RANBP17: variants seen among roughly 807,000 people sequenced by gnomAD.
The protein encoded by RANBP17 is ran-binding protein 17.
RANBP17 carries 158 observed loss-of-function variants against 141.2 expected under a neutral mutation model. That is an observed-to-expected ratio of 1.12 (90% CI 0.98 to 1.28). The LOEUF is 1.28. RANBP17 is among the 50% of genes most tolerant of loss of function. The pLI is 0.00. For missense variants in RANBP17, 1,438 were observed against 1,290.7 expected, an observed-to-expected ratio of 1.11 and a Z score of -1.75; for synonymous variants, 430 against 450.0, an observed-to-expected ratio of 0.96 and a Z score of 0.56.
At chr5:171,168,116 C>T (rs928983723) in intron 14 of RANBP17, among the ~76,000 whole-genome samples, 1 of 152,076 alleles carries the variant, frequency 6.6e-6, no homozygotes, top group African/African-American at 2.4e-5. Flanking sequence ...ATAGTGTCAC[C>T]CCTCAAGAAG....
Position 170,878,482 on chromosome 5 carries a change from ACTATTGGTCTCTTTTTATG to A in RANBP17, c.165+240_165+258del, listed in dbSNP as rs201393541. On this transcript the variant is annotated intron_variant, in intron 2 of 27. Coordinates refer to ENST00000523189, the MANE Select transcript of RANBP17 (RefSeq NM_022897.5). ...AATGAATTGAGATAGTTTCTTGATT[ACTATTGGTCTCTTTTTATG>A]TCTCATATTAGTGGGCAAATTTACA... Among the ~76,000 whole-genome samples, 36 of 152,284 alleles carry A rather than the reference ACTATTGGTCTCTTTTTATG, an allele frequency of 2.4e-4. 1 individual carries two copies. In the East Asian group the frequency reaches 6.7e-3, roughly 29 times the overall value.
intron 14 of RANBP17, among the ~76,000 whole-genome samples, chr5:171,014,765 G>A (rs1321890891): frequency 1.3e-5 from 2 of 151,782 alleles, no homozygotes; most frequent in African/African-American, 2.4e-5. Flanking sequence ...CATTCCTTTT[G>A]TGCAGATCCA....
intron 14 of RANBP17, among the ~76,000 whole-genome samples, chr5:171,090,348 A>G (rs1786152628): frequency 6.6e-6 from 1 of 152,200 alleles, no homozygotes; most frequent in Non-Finnish European, 1.5e-5. Context: ...TGGAATTTGA[A>G]TTCGAGAGAG....
chr5:171,044,552 A>G (rs1782447702), intron 14 of RANBP17, among the ~76,000 whole-genome samples: 1 of 151,986 alleles, frequency 6.6e-6, no homozygotes, highest in Non-Finnish European at 1.5e-5. Flanking sequence ...TTTGCTCACA[A>G]AGGTAAAGAG....
intron 14 of RANBP17, among the ~76,000 whole-genome samples, chr5:170,990,983 T>C (rs953764364): frequency 6.6e-6 from 1 of 151,906 alleles, no homozygotes; most frequent in African/African-American, 2.4e-5. Context: ...ATACAGAAAA[T>C]ACTAATTATG....
chr5:171,051,467 T>C (rs931505942), intron 14 of RANBP17, among the ~76,000 whole-genome samples: 2 of 152,180 alleles, frequency 1.3e-5, no homozygotes, highest in Non-Finnish European at 2.9e-5. Context: ...CTGTATATTT[T>C]ATATTAAATA....
At chr5:171,253,829 T>C (rs1324658047) in intron 24 of RANBP17, among the ~76,000 whole-genome samples, 1 of 152,188 alleles carries the variant, frequency 6.6e-6, no homozygotes, top group African/African-American at 2.4e-5. Flanking sequence ...AAAACTGCAA[T>C]GAGAGGAGGT....
At chr5:171,203,604 A>C (rs1266175621) in intron 19 of RANBP17, among the ~76,000 whole-genome samples, 44 of 152,178 alleles carry the variant, frequency 2.9e-4, no homozygotes, top group Admixed American at 2.9e-3. Flanking sequence ...CACTTTAAAA[A>C]AAAAGCCAAT....
chr5:171,130,431 C>CT (rs72051535), intron 14 of RANBP17, among the ~76,000 whole-genome samples: 8,561 of 88,972 alleles, frequency 0.096, 1,037 homozygotes, highest in Non-Finnish European at 0.11. Context: ...TTTAAAAAGA[C>CT]TTTTTTTTTT....
intron 14 of RANBP17, among the ~76,000 whole-genome samples, chr5:171,041,810 C>T (rs888113673): frequency 2.6e-5 from 4 of 151,962 alleles, no homozygotes; most frequent in African/African-American, 7.3e-5. Context: ...TAAATGTGTG[C>T]GATGGTGGTT....
chr5:170,980,411 T>A (rs1777679676), intron 14 of RANBP17, among the ~76,000 whole-genome samples: 1 of 152,318 alleles, frequency 6.6e-6, no homozygotes, highest in South Asian at 2.1e-4. Context: ...CAGAGACCTT[T>A]GTGGGAGCCC....
At chr5:171,127,915 CT>C (rs1413328915) in intron 14 of RANBP17, among the ~76,000 whole-genome samples, 1 of 152,192 alleles carries the variant, frequency 6.6e-6, no homozygotes, top group African/African-American at 2.4e-5. Flanking sequence ...AATCCCAGCA[CT>C]TTGGGAGGCC....
At chr5:171,214,907 G>A (rs904509283) in intron 21 of RANBP17, among the ~76,000 whole-genome samples, 3 of 151,718 alleles carry the variant, frequency 2.0e-5, no homozygotes, top group Non-Finnish European at 2.9e-5. Context: ...TTAAATTTAA[G>A]TTCTGGGATA....
In RANBP17 at chr5:171,183,359, A is replaced by G. The variant is rs1429924810; in HGVS notation, c.1967A>G (p.His656Arg). Reference protein sequence around the residue: ...HFPFLGISDNHSLSDFRCRTT... With the variant: ...HFPFLGISDNRSLSDFRCRTT... ...CCTTTTCTTGGCATCAGTGACAATC[A>G]TAGTCTCAGCGACTTCAGGTGTCGA... is the stretch of plus-strand genomic sequence containing the variant. The change falls in exon 18 of 28, where the codon CAT becomes CGT. Residue 656 changes from histidine (H) to arginine (R), a missense_variant. His to Arg is a conservative substitution (Grantham distance 29). Transcript: ENST00000523189. 1.2e-6 allele frequency: 2 copies of G among 1,613,944 alleles called. No homozygotes were observed. The highest frequency in any genetic ancestry group is 2.2e-5 in the East Asian group (1 of 44,866).
chr5:170,969,578 T>C (rs1320175742), intron 14 of RANBP17, among the ~76,000 whole-genome samples: 1 of 151,998 alleles, frequency 6.6e-6, no homozygotes, highest in African/African-American at 2.4e-5. Context: ...TCTCAAAATA[T>C]TGCTAATACA....
At chr5:171,235,322 CTTT>C (rs554291422) in intron 22 of RANBP17, among the ~76,000 whole-genome samples, 8 of 132,412 alleles carry the variant, frequency 6.0e-5, no homozygotes, top group Admixed American at 1.5e-4. Flanking sequence ...TTGCATGTGT[CTTT>C]TTTTTTTTTT....
chr5:170,991,720 G>A (rs1778522565), intron 14 of RANBP17, among the ~76,000 whole-genome samples: 1 of 151,916 alleles, frequency 6.6e-6, no homozygotes, highest in Non-Finnish European at 1.5e-5. Flanking sequence ...AGAAATTTGG[G>A]ATGATTAAGT....
intron 14 of RANBP17, among the ~76,000 whole-genome samples, chr5:171,115,524 G>A (rs1334576271): frequency 6.6e-6 from 1 of 152,182 alleles, no homozygotes; most frequent in African/African-American, 2.4e-5. Flanking sequence ...TGTGAAACAT[G>A]TAGGTATAGA....
chr5:170,895,408 G>T (rs1176157954), intron 4 of RANBP17, among the ~76,000 whole-genome samples: 1 of 152,020 alleles, frequency 6.6e-6, no homozygotes, highest in African/African-American at 2.4e-5. Context: ...TTTTAATGAT[G>T]GAAAATTTGA....
Sources: gnomAD v4.1 joint callset for allele counts (sites outside exome capture counted in the v4.1 genomes callset) on GRCh38, gnomAD v4.1.1 for gene constraint, MANE v1.5 for transcripts, NCBI Gene and HGNC (gene_info 2026-07-23, HGNC 2026-07-21) for gene names.